AGBL4: variants seen among roughly 807,000 people sequenced by gnomAD.
The protein encoded by AGBL4 is cytosolic carboxypeptidase 6.
In AGBL4, 58 loss-of-function variants were observed where a neutral mutation model predicts 66.4. The ratio of observed to expected loss-of-function variants is 0.87; its 90% confidence interval spans 0.71 to 1.09. The LOEUF is 1.09. Ranked by LOEUF, AGBL4 falls within the 50% of genes least tolerant of loss-of-function variation. The pLI is 0.00. For missense variants in AGBL4, 579 were observed against 631.0 expected (o/e 0.92, Z 0.88); for synonymous variants, 234 against 222.9 (o/e 1.05, Z -0.44).
At chr1:48,750,143 C>T (rs1424057108) in intron 6 of AGBL4, among the ~76,000 whole-genome samples, 1 of 152,188 alleles carries the variant, frequency 6.6e-6, no homozygotes, top group Non-Finnish European at 1.5e-5. Context: ...ATATGGGATT[C>T]ATCTTTGCTA....
In AGBL4 at chr1:48,754,323, C is replaced by T. The variant is rs970027267; in HGVS notation, c.635-91082G>A. On this transcript the variant is annotated intron_variant, in intron 6 of 13. Coordinates refer to ENST00000371839, the MANE Select transcript of AGBL4 (RefSeq NM_032785.4). ...AAAATTCTCTGTGGCTGCCAACACC[C>T]GGTTTAAACACACCATTCTAATCTA... Among the ~76,000 whole-genome samples the T allele has an allele frequency of 5.3e-5, 8 of 152,170 alleles. 1 individual carries two copies. Among genetic ancestry groups the T allele is most frequent in the Admixed American group, 3.3e-4 (5 of 15,276 alleles).
chr1:49,994,848 C>G (rs577907282), intron 1 of AGBL4: 5 of 327,758 alleles, frequency 1.5e-5, no homozygotes, highest in South Asian at 1.0e-4. Flanking sequence ...ATCCACCCCC[C>G]TCCCAATACA....
intron 3 of AGBL4, among the ~76,000 whole-genome samples, chr1:49,533,966 T>C (rs964342420): frequency 6.6e-6 from 1 of 152,048 alleles, no homozygotes; most frequent in African/African-American, 2.4e-5. Context: ...ATCTGCAGAT[T>C]TGGGGATTTC....
chr1:49,059,561 G>A (rs1409954771), intron 4 of AGBL4, among the ~76,000 whole-genome samples: 1 of 152,232 alleles, frequency 6.6e-6, no homozygotes, highest in Admixed American at 6.5e-5. Flanking sequence ...GGAGCTGTGA[G>A]AAGAGGGCCA....
chr1:49,190,001 A>G (rs1217673722), intron 4 of AGBL4, among the ~76,000 whole-genome samples: 1 of 152,228 alleles, frequency 6.6e-6, no homozygotes, highest in Non-Finnish European at 1.5e-5. Flanking sequence ...TCCAAAGACT[A>G]GAGATATTAG....
intron 5 of AGBL4, among the ~76,000 whole-genome samples, chr1:49,031,129 C>T (rs995837786): frequency 1.3e-5 from 2 of 151,728 alleles, no homozygotes; most frequent in African/African-American, 4.8e-5. Context: ...ACTTTGTCAC[C>T]CAGGCTGGAG....
chr1:49,152,386 G>A (rs1215758264), intron 4 of AGBL4, among the ~76,000 whole-genome samples: 1 of 152,128 alleles, frequency 6.6e-6, no homozygotes, highest in Non-Finnish European at 1.5e-5. Context: ...TGTGGAACCT[G>A]TGGTTTCAGA....
At chr1:49,849,419 T>TATA (rs1036485802) in intron 2 of AGBL4, among the ~76,000 whole-genome samples, 2 of 131,820 alleles carry the variant, frequency 1.5e-5, no homozygotes, top group African/African-American at 2.5e-5. Flanking sequence ...TTATTATTAT[T>TATA]ATTATTATTA....
chr1:48,883,946 A>T (rs1283053655), intron 5 of AGBL4, among the ~76,000 whole-genome samples: 6 of 152,212 alleles, frequency 3.9e-5, no homozygotes, highest in Non-Finnish European at 1.5e-5. Context: ...CAAAAAACAA[A>T]GAGGAAGTCA....
chr1:49,986,202 C>T (rs950381833), intron 1 of AGBL4, among the ~76,000 whole-genome samples: 1 of 152,076 alleles, frequency 6.6e-6, no homozygotes, highest in African/African-American at 2.4e-5. Flanking sequence ...ACCACAAAGT[C>T]CTCATCTTGC....
rs140638200 is a variant in AGBL4 at position 49,175,735 on chromosome 1, G to A, written c.377+70035C>T. Reference sequence around the variant, plus strand: ...CCATCAACTGACCAGGGTCTACAGGGTATATTATAAGTTGAATTGAAATGT... The same window carrying A: ...CCATCAACTGACCAGGGTCTACAGGATATATTATAAGTTGAATTGAAATGT... On this transcript the variant is annotated intron_variant, in intron 4 of 13. Transcript: ENST00000371839. Among the ~76,000 whole-genome samples, 37 of 152,220 alleles carry A rather than the reference G, an allele frequency of 2.4e-4. 1 individual carries two copies. The highest frequency in any genetic ancestry group is 8.7e-4 in the African/African-American group (36 of 41,546).
At chr1:48,844,490 T>C (rs1297942330) in intron 6 of AGBL4, among the ~76,000 whole-genome samples, 1 of 152,248 alleles carries the variant, frequency 6.6e-6, no homozygotes, top group Non-Finnish European at 1.5e-5. Context: ...ATGCACTAAC[T>C]GAGCTCTCAT....
In AGBL4 at chr1:50,005,690, G is replaced by C. The variant is rs1392169771; in HGVS notation, c.34+18073C>G. On this transcript the variant is annotated intron_variant, in intron 1 of 13. Transcript: ENST00000371839. Reference sequence around the variant, plus strand: ...ACCAGTGACCAATTCTGGAGTCACAGAGATATGTGACCTTTCAGAGAATTC... The same window carrying C: ...ACCAGTGACCAATTCTGGAGTCACACAGATATGTGACCTTTCAGAGAATTC... Among the ~76,000 whole-genome samples, 3 of 152,300 alleles carry C rather than the reference G, an allele frequency of 2.0e-5. No homozygotes were observed. The East Asian group carries it at 5.8e-4, about 29-fold the overall frequency.
intron 3 of AGBL4, chr1:49,691,527 T>G (rs1646886114): frequency 1.3e-5 from 2 of 152,546 alleles, no homozygotes; most frequent in African/African-American, 4.8e-5. Context: ...GACAGGATAC[T>G]GTTGGGGTGT....
intron 6 of AGBL4, among the ~76,000 whole-genome samples, chr1:48,866,019 T>C (rs1414532719): frequency 6.6e-6 from 1 of 152,220 alleles, no homozygotes; most frequent in African/African-American, 2.4e-5. Context: ...GAACTAATTC[T>C]ATCTTTATTC....
intron 3 of AGBL4, among the ~76,000 whole-genome samples, chr1:49,427,492 G>A (rs1163299977): frequency 1.1e-4 from 16 of 152,006 alleles, no homozygotes; most frequent in Admixed American, 9.2e-4. Flanking sequence ...TCTTGGTCTC[G>A]CTGACTTCAA....
At chr1:48,651,993 C>A (rs1016200889) in intron 8 of AGBL4, among the ~76,000 whole-genome samples, 2 of 152,222 alleles carry the variant, frequency 1.3e-5, no homozygotes, top group Non-Finnish European at 2.9e-5. Flanking sequence ...TCTCTGCCCT[C>A]CAGTAGCTTT....
intron 3 of AGBL4, among the ~76,000 whole-genome samples, chr1:49,315,335 C>A (rs1570416851): frequency 6.6e-6 from 1 of 152,104 alleles, no homozygotes; most frequent in East Asian, 1.9e-4. Context: ...TAGGCATGGG[C>A]AAAGACTTCA....
chr1:49,547,084 A>T (rs1167033243), intron 3 of AGBL4, among the ~76,000 whole-genome samples: 1 of 152,194 alleles, frequency 6.6e-6, no homozygotes, highest in Non-Finnish European at 1.5e-5. Flanking sequence ...TCCCTAAGCC[A>T]ATGTCTAGAA....
Sources: gnomAD v4.1 joint callset for allele counts (sites outside exome capture counted in the v4.1 genomes callset) on GRCh38, gnomAD v4.1.1 for gene constraint, MANE v1.5 for transcripts, NCBI Gene and HGNC (gene_info 2026-07-23, HGNC 2026-07-21) for gene names.